NPFFR1: variants seen among roughly 807,000 people sequenced by gnomAD.
NPFFR1 encodes G-protein coupled receptor 147.
A neutral mutation model predicts 12.7 loss-of-function variants in NPFFR1; 17 were observed. The observed-to-expected ratio is 1.34, with a 90% confidence interval of 0.92 to 2.01. The LOEUF (loss-of-function observed/expected upper bound fraction) is 2.01, where lower values mean the gene tolerates loss of function less well. Ranked by LOEUF, NPFFR1 falls within the 30% of genes most tolerant of loss-of-function variation. The pLI, the probability that NPFFR1 is intolerant of heterozygous loss-of-function variation, is 0.00. For synonymous variants in NPFFR1, 296 were observed against 264.5 expected (o/e 1.12, Z -1.16); for missense variants, 604 against 606.5 (o/e 1.00, Z 0.04).
chr10:70,282,275 G>A (rs1372418406), intron 1 of NPFFR1, among the ~76,000 whole-genome samples: 2 of 151,940 alleles, frequency 1.3e-5, no homozygotes, highest in Non-Finnish European at 2.9e-5. Flanking sequence ...ATCTTGCTCT[G>A]CCTGCCCTCG....
intron 1 of NPFFR1, among the ~76,000 whole-genome samples, chr10:70,276,584 CT>C (rs57759018): frequency 0.057 from 6,695 of 117,248 alleles, 318 homozygotes; most frequent in African/African-American, 0.18. Context: ...ATGTTTGTAT[CT>C]TTTTTTTTTT....
At chr10:70,269,273 C>T (rs1387953933) in intron 1 of NPFFR1, among the ~76,000 whole-genome samples, 1 of 150,444 alleles carries the variant, frequency 6.6e-6, no homozygotes, top group Non-Finnish European at 1.5e-5. Flanking sequence ...CCTCCCGCCT[C>T]GGCCTCCTGA....
rs746767725 is a variant in NPFFR1, at chr10:70,255,387, G to T, written c.863C>A (p.Ala288Glu). Residue 288 changes from alanine to glutamate, a missense_variant, in exon 4 of 4, where the codon GCG becomes GAG. Transcript: ENST00000277942. This position sits in a 1 kb window ranked among gnomAD's most constrained non-coding sequence, Gnocchi z 4.2. ...CCCGTAGTCGATGAGCAGCAGCAGC[G>T]CCCAGAGCGGCAGCCAGGACAGCGT... ...FFTLSWLPLW[A>E]LLLLIDYGQL... 4 of 1,548,148 alleles carry T rather than the reference G, an allele frequency of 2.6e-6. No homozygotes were observed. The highest frequency in any genetic ancestry group is 1.2e-5 in the South Asian group (1 of 84,254).
At chr10:70,262,852 C>T (rs1344965969) in intron 2 of NPFFR1, among the ~76,000 whole-genome samples, 1 of 152,178 alleles carries the variant, frequency 6.6e-6, no homozygotes, top group Non-Finnish European at 1.5e-5. Context: ...CATGAGCACA[C>T]CTAGAACCCA....
At chr10:70,258,561 A>G (rs1840600680) in intron 3 of NPFFR1, among the ~76,000 whole-genome samples, 1 of 152,214 alleles carries the variant, frequency 6.6e-6, no homozygotes, top group Non-Finnish European at 1.5e-5. Flanking sequence ...AATGAAGCCC[A>G]TAGTATGACC....
chr10:70,261,275 C>G (rs979549885), intron 2 of NPFFR1, among the ~76,000 whole-genome samples: 6 of 152,184 alleles, frequency 3.9e-5, no homozygotes, highest in Non-Finnish European at 5.9e-5. Flanking sequence ...TCTCATTCTT[C>G]TCTCTCCTGC....
chr10:70,281,584 A>G (rs879847129), intron 1 of NPFFR1, among the ~76,000 whole-genome samples: 1 of 152,222 alleles, frequency 6.6e-6, no homozygotes, highest in Non-Finnish European at 1.5e-5. Flanking sequence ...ATACACTTGT[A>G]TATGTATATT....
chr10:70,278,935 T>C (rs1017317325), intron 1 of NPFFR1, among the ~76,000 whole-genome samples: 67 of 152,372 alleles, frequency 4.4e-4, no homozygotes, highest in African/African-American at 1.6e-3. Flanking sequence ...ATGATTTTTA[T>C]ATTTTTTTAG....
At chr10:70,258,574 C>T (rs1840600848) in intron 3 of NPFFR1, among the ~76,000 whole-genome samples, 1 of 152,184 alleles carries the variant, frequency 6.6e-6, no homozygotes, top group Non-Finnish European at 1.5e-5. Flanking sequence ...GTATGACCTA[C>T]TCTGTTGGGT....
intron 1 of NPFFR1, among the ~76,000 whole-genome samples, chr10:70,272,250 A>AGAAAGAAAGAAAGAAAGAAAGAAG (rs1416443464): frequency 7.9e-6 from 1 of 127,052 alleles, no homozygotes; most frequent in Non-Finnish European, 1.8e-5. Context: ...GAAAGAAGAA[A>AGAAAGAAAGAAAGAAAGAAAGAAG]GAAGAAAGAA....
At chr10:70,275,475 C>T (rs1412800306) in intron 1 of NPFFR1, among the ~76,000 whole-genome samples, 32 of 152,170 alleles carry the variant, frequency 2.1e-4, no homozygotes. Flanking sequence ...TAAACATATG[C>T]CCTGGAGCAC....
At chr10:70,280,890 T>C (rs1424173351) in intron 1 of NPFFR1, among the ~76,000 whole-genome samples, 1 of 152,108 alleles carries the variant, frequency 6.6e-6, no homozygotes, top group East Asian at 1.9e-4. Context: ...TAATCCCAGC[T>C]ACTCAGGAGG....
At chr10:70,277,197 C>T (rs1340256920) in intron 1 of NPFFR1, among the ~76,000 whole-genome samples, 3 of 152,218 alleles carry the variant, frequency 2.0e-5, no homozygotes, top group African/African-American at 7.2e-5. Flanking sequence ...CCCATTCTTC[C>T]CTCCCAGTAA....
In NPFFR1 at chr10:70,283,814, GGTCC is replaced by G. The variant is rs1249319736; in HGVS notation, c.-142_-139del. On this transcript the variant is annotated 5_prime_UTR_variant, in exon 1 of 4. Coordinates refer to ENST00000277942, the MANE Select transcript of NPFFR1 (RefSeq NM_022146.5). ...GCCTCCGCGCTCCGCAGGTCCGGTC[GGTCC>G]GGGCAGAGGTGAGCAGGGGGCGTGC... is the stretch of plus-strand genomic sequence containing the variant. The G allele has an allele frequency of 1.0e-6, 1 of 958,706 alleles. No homozygotes were observed. Among genetic ancestry groups the G allele is most frequent in the East Asian group, 2.6e-5 (1 of 37,948 alleles). 59.4% of individuals were successfully genotyped at this position (958,706 alleles called of 1,614,324 possible). A position where few individuals can be genotyped will look rare whatever the true frequency, so the allele number is the denominator to read the frequency against.
chr10:70,261,247 C>T (rs1234658780), intron 2 of NPFFR1, among the ~76,000 whole-genome samples: 6 of 152,080 alleles, frequency 3.9e-5, no homozygotes, highest in Admixed American at 3.9e-4. Flanking sequence ...TTATATGGGG[C>T]TTCTCCCTTC....
At position 70,255,422 on chromosome 10, in the gene NPFFR1, C is replaced by G; in HGVS notation, c.828G>C (p.Ala276=). Residue 276 remains alanine (A), a synonymous_variant, in exon 4 of 4, where the codon GCG becomes GCC. Transcript: ENST00000277942. This position sits in a 1 kb window ranked among gnomAD's most constrained non-coding sequence, Gnocchi z 4.2. Reference sequence around the variant, plus strand: ...GCAGCCAGGACAGCGTGAAGAACAGCGCCACCATGACCAGCATGTGCACCA... The same window carrying G: ...GCAGCCAGGACAGCGTGAAGAACAGGGCCACCATGACCAGCATGTGCACCA... The part of the protein sequence containing the change: ...ARVVHMLVMV[A]LFFTLSWLPL... 1 of 1,546,516 alleles carries G rather than the reference C, an allele frequency of 6.5e-7. No individual in the cohort carries two copies. The highest frequency in any genetic ancestry group is 8.7e-7 in the Non-Finnish European group (1 of 1,147,032).
At chr10:70,266,416 C>T in intron 1 of NPFFR1, 25 bp from the exon 2 acceptor site, 1 of 1,574,964 alleles carries the variant, frequency 6.3e-7, no homozygotes, top group Non-Finnish European at 8.7e-7. Flanking sequence ...ATATATTGGT[C>T]AGGACCTTAG....
chr10:70,278,674 G>A (rs973244790), intron 1 of NPFFR1, among the ~76,000 whole-genome samples: 3 of 152,102 alleles, frequency 2.0e-5, no homozygotes, highest in African/African-American at 4.8e-5. Context: ...ATCAATTCAC[G>A]AGTTTTTTCT....
At position 70,264,675 on chromosome 10, in the gene NPFFR1, A is replaced by G. The variant is rs183688613; in HGVS notation, c.322+1402T>C. 2.0e-5 allele frequency among the ~76,000 whole-genome samples: 3 copies of G among 152,286 alleles called. No homozygotes were observed. The East Asian group carries it at 5.8e-4, about 29-fold the overall frequency. ...TGTTTGGAACCTTAGCATGTCCTCA[A>G]TTTGCTTGCACTCGCATAAAATAGT... On this transcript the variant is annotated intron_variant, in intron 2 of 3. Transcript: ENST00000277942.
Sources: allele counts gnomAD v4.1 joint callset (sites outside exome capture counted in the v4.1 genomes callset), GRCh38; gene constraint gnomAD v4.1.1; non-coding constraint Gnocchi (gnomAD v3.1); transcripts MANE v1.5; gene names NCBI Gene and HGNC (gene_info 2026-07-23, HGNC 2026-07-21).